Variants in OSTM1 observed in about 807,000 individuals in gnomAD.
OSTM1 encodes osteoclastogenesis associated transmembrane protein 1.
Under a neutral mutation model 35.4 loss-of-function variants are expected in OSTM1, and 26 were observed. The ratio of observed to expected loss-of-function variants is 0.73; its 90% CI spans 0.54 to 1.02. OSTM1 has a LOEUF of 1.02. Ranked by LOEUF, OSTM1 falls within the 50% of genes least tolerant of loss-of-function variation. The pLI, the probability that OSTM1 is intolerant of heterozygous loss-of-function variation, is 0.00. For missense variants in OSTM1, 366 were observed against 409.6 expected (o/e 0.89, Z 0.92); for synonymous variants, 181 against 165.0 (o/e 1.10, Z -0.75).
At chr6:108,070,623 C>T (rs557072238) in intron 1 of OSTM1, among the ~76,000 whole-genome samples, 150 of 152,248 alleles carry the variant, frequency 9.9e-4, no homozygotes, top group Non-Finnish European at 1.8e-3. Context: ...GGCGTGGTGG[C>T]TCACGCCTGT....
intron 1 of OSTM1, 118 bp downstream of exon 1, chr6:108,074,132 G>GTCCA (rs1184072775): frequency 2.6e-5 from 27 of 1,022,288 alleles, no homozygotes; most frequent in Non-Finnish European, 3.9e-5. Context: ...TACAGACTCA[G>GTCCA]TCCAACCCCT....
chr6:108,073,920 A>G (rs927748569), intron 1 of OSTM1: 2 of 385,520 alleles, frequency 5.2e-6, no homozygotes, highest in African/African-American at 4.1e-5. Flanking sequence ...TCAGAAAAGG[A>G]TCCTTCCTGG....
intron 3 of OSTM1, among the ~76,000 whole-genome samples, chr6:108,052,302 G>A (rs1181771499): frequency 2.4e-4 from 36 of 151,962 alleles, no homozygotes; most frequent in Admixed American, 1.6e-3. Flanking sequence ...GCGTGGTGGC[G>A]GGCACCTGTA....
chr6:108,064,211 G>A lies in OSTM1; in HGVS notation c.491C>T (p.Thr164Ile), dbSNP rs773343389. Residue 164 changes from threonine (T) to isoleucine (I), a missense_variant, in exon 2 of 6, where the codon ACC (threonine) becomes ATC (isoleucine). Coordinates refer to ENST00000193322, the MANE Select transcript of OSTM1 (RefSeq NM_014028.4). Reference sequence around the variant, plus strand: ...TGCACAATTTGCCTCCTGCCATGTGGTATTAAAAAATTCTGAGAGAATCAC... The same window carrying A: ...TGCACAATTTGCCTCCTGCCATGTGATATTAAAAAATTCTGAGAGAATCAC... ...IVVILSEFFN[T>I]TWQEANCANC... 7.5e-6 allele frequency: 12 copies of A among 1,591,378 alleles called. No individual in the cohort carries two copies. Among genetic ancestry groups the A allele is most frequent in the Admixed American group, 5.0e-5 (3 of 59,966 alleles).
intron 2 of OSTM1, among the ~76,000 whole-genome samples, chr6:108,058,878 C>A (rs1297509543): frequency 6.6e-6 from 1 of 152,160 alleles, no homozygotes. Flanking sequence ...TATGTGTTAA[C>A]TGAAAGTTAG....
At chr6:108,056,254 A>G (rs1184216242) in intron 2 of OSTM1, among the ~76,000 whole-genome samples, 1 of 152,224 alleles carries the variant, frequency 6.6e-6, no homozygotes, top group East Asian at 1.9e-4. Flanking sequence ...TCCATTTTAT[A>G]AATAAGGAAC....
chr6:108,063,563 C>A (rs1210140539), intron 2 of OSTM1, among the ~76,000 whole-genome samples: 2 of 152,158 alleles, frequency 1.3e-5, no homozygotes, highest in Non-Finnish European at 2.9e-5. Context: ...TTCAAAACAT[C>A]ATCTGAATTG....
rs1027451367 is a variant in OSTM1, at chr6:108,044,015, ATAACT to A, written c.*765_*769del. On this transcript the variant is annotated 3_prime_UTR_variant, in exon 6 of 6. Coordinates refer to ENST00000193322, the MANE Select transcript of OSTM1 (RefSeq NM_014028.4). ...GTAGTAATAAATTATAAATTGCCAA[ATAACT>A]TAATGTAATTCACGATGCAAATCCT... 6.5e-5 allele frequency: 10 copies of A among 152,786 alleles called. No individual in the cohort carries two copies. Among genetic ancestry groups the A allele is most frequent in the African/African-American group, 1.2e-4 (5 of 41,580 alleles). The allele number at this position is 152,786 out of a possible 1,614,324, so 9.5% of individuals were successfully genotyped here.
At position 108,042,778 on chromosome 6, in the gene OSTM1, T is replaced by C. The variant is rs1027829280; in HGVS notation, c.*2007A>G. 6.6e-6 allele frequency: 1 copy of C among 152,190 alleles called. No homozygotes were observed. The highest frequency in any genetic ancestry group is 1.5e-5 in the Non-Finnish European group (1 of 68,038). The allele number at this position is 152,190 out of a possible 1,614,324, so 9.4% of individuals were successfully genotyped here. ...AAAACAAATGTGATGTTAAATTACA[T>C]CTGAAATTTTAAAAATGTATTTAAA... On this transcript the variant is annotated 3_prime_UTR_variant, in exon 6 of 6. Coordinates refer to ENST00000193322, the MANE Select transcript of OSTM1 (RefSeq NM_014028.4).
In OSTM1 at chr6:108,042,769, T is replaced by C. The variant is rs1318154581; in HGVS notation, c.*2016A>G. 6.6e-6 allele frequency: 1 copy of C among 152,200 alleles called. No individual in the cohort carries two copies. Among genetic ancestry groups the C allele is most frequent in the Non-Finnish European group, 1.5e-5 (1 of 68,038 alleles). 9.4% of individuals were successfully genotyped at this position (152,200 alleles called of 1,614,324 possible). On this transcript the variant is annotated 3_prime_UTR_variant, in exon 6 of 6. Coordinates refer to ENST00000193322, the MANE Select transcript of OSTM1 (RefSeq NM_014028.4). Reference sequence around the variant, plus strand: ...AATACCTGAAAAACAAATGTGATGTTAAATTACATCTGAAATTTTAAAAAT... The same window carrying C: ...AATACCTGAAAAACAAATGTGATGTCAAATTACATCTGAAATTTTAAAAAT...
intron 1 of OSTM1, among the ~76,000 whole-genome samples, chr6:108,064,826 T>TTA (rs2114606893): frequency 6.6e-6 from 1 of 152,032 alleles, no homozygotes; most frequent in Non-Finnish European, 1.5e-5. Context: ...AGACAAGGAG[T>TTA]TATACAGTGT....
At chr6:108,066,786 T>A (rs528703651) in intron 1 of OSTM1, among the ~76,000 whole-genome samples, 2 of 152,290 alleles carry the variant, frequency 1.3e-5, no homozygotes, top group East Asian at 3.9e-4. Context: ...ATTACCCTGA[T>A]GCATGGTTTC....
chr6:108,059,627 G>GT (rs1772237750), intron 2 of OSTM1, among the ~76,000 whole-genome samples: 1 of 151,990 alleles, frequency 6.6e-6, no homozygotes, highest in Non-Finnish European at 1.5e-5. Context: ...TACCTTTCAT[G>GT]TTTTTACATT....
At chr6:108,072,133 T>C (rs1334295286) in intron 1 of OSTM1, among the ~76,000 whole-genome samples, 1 of 152,312 alleles carries the variant, frequency 6.6e-6, no homozygotes, top group East Asian at 1.9e-4. Context: ...CAATAGCCCT[T>C]GTTCTTTAGA....
At chr6:108,045,584 A>C (rs1360264539) in intron 5 of OSTM1, among the ~76,000 whole-genome samples, 1 of 152,096 alleles carries the variant, frequency 6.6e-6, no homozygotes, top group African/African-American at 2.4e-5. Flanking sequence ...GTAAAAAAAA[A>C]ATTTTAATGA....
At position 108,074,508 on chromosome 6, in the gene OSTM1, C is replaced by T. The variant is rs750695134; in HGVS notation, c.144G>A (p.Ser48=). 21 of 1,558,646 alleles carry T rather than the reference C, an allele frequency of 1.3e-5. No individual in the cohort carries two copies. Among genetic ancestry groups the T allele is most frequent in the Middle Eastern group, 1.7e-4 (1 of 6,022 alleles). ...CCTCCACCTCCAGCAACTGCTGCTC[C>T]GACAGGAGGTCGTGGAAGACCCTGT... ...SPHRVFHDLL[S]EQQLLEVEDL... The change falls in exon 1 of 6, where the codon TCG becomes TCA. Residue 48 remains serine, a synonymous_variant. Coordinates refer to ENST00000193322, the MANE Select transcript of OSTM1 (RefSeq NM_014028.4).
At chr6:108,047,601 C>T (rs889603770) in intron 5 of OSTM1, among the ~76,000 whole-genome samples, 3 of 152,164 alleles carry the variant, frequency 2.0e-5, no homozygotes, top group Non-Finnish European at 2.9e-5. Context: ...TTAAGGGGCT[C>T]TTGCGTTAGT....
chr6:108,051,961 A>G (rs1032182990), intron 3 of OSTM1, among the ~76,000 whole-genome samples: 1 of 152,224 alleles, frequency 6.6e-6, no homozygotes, highest in African/African-American at 2.4e-5. Context: ...ATGAAGAAAG[A>G]ATATTAACTG....
At position 108,074,328 on chromosome 6, in the gene OSTM1, G is replaced by C. The variant is rs756358714; in HGVS notation, c.324C>G (p.Pro108=). 24 of 1,611,244 alleles carry C rather than the reference G, an allele frequency of 1.5e-5. No individual in the cohort carries two copies. In the South Asian group the frequency reaches 2.2e-4, roughly 15 times the overall value. ...GGTAGCAGGTCTGACAGAGGCGCAC[G>C]GGCCGGGCGCTGCGCACCAGACACC... ...LTGCLVRSAR[P]VRLCQTCYPL... Residue 108 remains proline, a synonymous_variant, in exon 1 of 6, where the codon CCC becomes CCG. Coordinates refer to ENST00000193322, the MANE Select transcript of OSTM1 (RefSeq NM_014028.4).
Sources: allele counts gnomAD v4.1 joint callset (sites outside exome capture counted in the v4.1 genomes callset), GRCh38; gene constraint gnomAD v4.1.1; transcripts MANE v1.5; gene names NCBI Gene and HGNC (gene_info 2026-07-23, HGNC 2026-07-21).